CCDC88C: variants seen among roughly 807,000 people sequenced by gnomAD.
CCDC88C encodes the protein coiled-coil and HOOK domain protein 88C.
In CCDC88C, 131 loss-of-function variants were observed where a neutral mutation model predicts 198.8. The observed-to-expected ratio is 0.66, with a 90% confidence interval of 0.57 to 0.76. The LOEUF is 0.76. Ranked by LOEUF, CCDC88C falls within the 30% of genes least tolerant of loss-of-function variation. The pLI is 0.00. For synonymous variants in CCDC88C, 1,166 were observed against 1,114.7 expected (o/e 1.05, Z -0.92); for missense variants, 2,553 against 2,631.6 (o/e 0.97, Z 0.65).
At chr14:91,391,051 T>A (rs907960850) in intron 3 of CCDC88C, among the ~76,000 whole-genome samples, 3 of 152,118 alleles carry the variant, frequency 2.0e-5, no homozygotes, top group African/African-American at 7.2e-5. Context: ...TTAGCAGCAG[T>A]CCTAACACCC....
chr14:91,352,265 G>A lies in CCDC88C; in HGVS notation c.340+7377C>T, dbSNP rs1336633146. ...CATCGCTAGGAAGTTTACTAACAAA[G>A]TCTGGTCTCCAGGCAGATCCGCGGG... On this transcript the variant is annotated intron_variant, in intron 4 of 29. Transcript: ENST00000389857. This position sits in a 1 kb window ranked among gnomAD's most constrained non-coding sequence, Gnocchi z 4.2. Among the ~76,000 whole-genome samples the A allele has an allele frequency of 6.6e-6, 1 of 152,216 alleles. No individual in the cohort carries two copies. Among genetic ancestry groups the A allele is most frequent in the African/African-American group, 2.4e-5 (1 of 41,446 alleles).
Position 91,415,515 on chromosome 14 carries a change from G to A in CCDC88C, c.161+1223C>T, listed in dbSNP as rs144891516. ...CAAGGCAGGCGGATCACCTGAGGTC[G>A]GGAGTTCGAGACCAGCCTAACATGG... On this transcript the variant is annotated intron_variant, in intron 2 of 29. Coordinates refer to ENST00000389857, the MANE Select transcript of CCDC88C (RefSeq NM_001080414.4). Among the ~76,000 whole-genome samples the A allele has an allele frequency of 5.7e-3, 865 of 152,180 alleles. 8 individuals carry two copies. The highest frequency in any genetic ancestry group is 0.014 in the African/African-American group (591 of 41,518).
intron 23 of CCDC88C, among the ~76,000 whole-genome samples, chr14:91,292,390 T>C (rs1002649680): frequency 1.3e-5 from 2 of 152,150 alleles, no homozygotes; most frequent in East Asian, 3.9e-4. Flanking sequence ...TGAGTGCTCC[T>C]ATACTTCTTC....
intron 3 of CCDC88C, among the ~76,000 whole-genome samples, chr14:91,391,641 T>C (rs956144001): frequency 1.3e-5 from 2 of 152,004 alleles, no homozygotes; most frequent in Admixed American, 1.3e-4. Flanking sequence ...TATCCAGGCG[T>C]GGTGGCGTGT....
chr14:91,401,329 ATAT>A (rs1251973909), intron 3 of CCDC88C, among the ~76,000 whole-genome samples: 15 of 50,968 alleles, frequency 2.9e-4, no homozygotes, highest in Non-Finnish European at 3.0e-4. Context: ...TATATTACAT[ATAT>A]TATATATATA....
intron 3 of CCDC88C, among the ~76,000 whole-genome samples, chr14:91,363,363 G>A (rs984094797): frequency 3.3e-5 from 5 of 150,790 alleles, no homozygotes; most frequent in East Asian, 1.9e-4. Context: ...CCCCCACCTC[G>A]GCCTTCCAAA....
At chr14:91,274,336 G>A (rs1254483074) in intron 29 of CCDC88C, among the ~76,000 whole-genome samples, 3 of 152,204 alleles carry the variant, frequency 2.0e-5, no homozygotes, top group Non-Finnish European at 4.4e-5. Context: ...CTAAGCTGCC[G>A]CCCGGGCTGT....
intron 10 of CCDC88C, among the ~76,000 whole-genome samples, chr14:91,337,531 G>A (rs977900930): frequency 1.3e-5 from 2 of 152,176 alleles, no homozygotes; most frequent in African/African-American, 4.8e-5. Flanking sequence ...TGTAGAGACA[G>A]AGTCTTGCTA....
rs1411023767 is a variant in CCDC88C at position 91,281,651 on chromosome 14, C to G, written c.4631-126G>C. 5.2e-6 allele frequency: 4 copies of G among 774,386 alleles called. No homozygotes were observed. The East Asian group carries it at 1.1e-4, about 21-fold the overall frequency. The allele number at this position is 774,386 out of a possible 1,614,324, so 48.0% of individuals were successfully genotyped here. On this transcript the variant is annotated intron_variant, in intron 26 of 29. Coordinates refer to ENST00000389857, the MANE Select transcript of CCDC88C (RefSeq NM_001080414.4). ...CTCTTGGGGATGAGGGAATGGCATG[C>G]AGATGCTGCCTTTGGGACCTGCCTC...
intron 27 of CCDC88C, 47 bp from the exon 28 acceptor site, chr14:91,279,353 A>G: frequency 6.8e-7 from 1 of 1,468,524 alleles, no homozygotes; most frequent in Non-Finnish European, 9.3e-7. Flanking sequence ...ATGACCAGGT[A>G]TATCCCAGAT....
In CCDC88C at chr14:91,416,947, G is replaced by T. The variant is rs117399299; in HGVS notation, c.61-109C>A. On this transcript the variant is annotated intron_variant, in intron 1 of 29. Coordinates refer to ENST00000389857, the MANE Select transcript of CCDC88C (RefSeq NM_001080414.4). The stretch of plus-strand genomic sequence containing the variant: ...GACGGGTCAGTGTGAGCAGAAGGGG[G>T]TCACCCACGCCCACACCACCCTTCA... 3.3e-5 allele frequency: 25 copies of T among 749,976 alleles called. 1 individual carries two copies. The East Asian group carries it at 6.7e-4, about 20-fold the overall frequency. The allele number at this position is 749,976 out of a possible 1,614,324, so 46.5% of individuals were successfully genotyped here. A position where few individuals can be genotyped will look rare whatever the true frequency, so the allele number is the denominator to read the frequency against.
intron 22 of CCDC88C, among the ~76,000 whole-genome samples, chr14:91,295,170 T>A (rs577899787): frequency 2.0e-5 from 3 of 152,244 alleles, no homozygotes; most frequent in Non-Finnish European, 4.4e-5. Context: ...TAAGCAATTC[T>A]AACTTTAACT....
intron 10 of CCDC88C, among the ~76,000 whole-genome samples, chr14:91,337,128 G>C (rs888235685): frequency 2.0e-5 from 3 of 152,208 alleles, no homozygotes; most frequent in African/African-American, 7.2e-5. Flanking sequence ...AGCTGCTACT[G>C]ACATGAGGTT....
intron 10 of CCDC88C, among the ~76,000 whole-genome samples, chr14:91,332,841 G>C (rs1291936265): frequency 6.6e-6 from 1 of 152,150 alleles, no homozygotes; most frequent in Non-Finnish European, 1.5e-5. Flanking sequence ...CCTTGTGTGT[G>C]CCAGGCTCTG....
At chr14:91,328,169 C>T (rs1892655481) in intron 10 of CCDC88C, among the ~76,000 whole-genome samples, 1 of 152,174 alleles carries the variant, frequency 6.6e-6, no homozygotes, top group African/African-American at 2.4e-5. Context: ...CAGAGACTTC[C>T]CGGAATGAAT....
chr14:91,365,181 A>ACCCCTCACCCCTCC (rs1894477873), intron 3 of CCDC88C, among the ~76,000 whole-genome samples: 1 of 148,666 alleles, frequency 6.7e-6, no homozygotes, highest in African/African-American at 2.5e-5. Context: ...CTCACCCCTC[A>ACCCCTCACCCCTCC]CCCCTCACCC....
At position 91,313,448 on chromosome 14, in the gene CCDC88C, C is replaced by T. The variant is rs753355652; in HGVS notation, c.2368G>A (p.Gly790Ser). ...HKTQTLESELGELEAERQALR... is the reference protein window; with the variant it reads ...HKTQTLESELSELEAERQALR... ...GCCTGGCGCTCAGCCTCCAGCTCGC[C>T]CAGCTCACTCTCCAAGGTCTGCGTC... The change falls in exon 15 of 30, where the codon GGC (glycine) becomes AGC (serine). Residue 790 changes from glycine to serine, a missense_variant. Coordinates refer to ENST00000389857, the MANE Select transcript of CCDC88C (RefSeq NM_001080414.4). The surrounding 1 kb of genome is among the most constrained non-coding windows in gnomAD (Gnocchi z 5.2). The T allele has an allele frequency of 6.2e-7, 1 of 1,607,586 alleles. No individual in the cohort carries two copies. Among genetic ancestry groups the T allele is most frequent in the Non-Finnish European group, 8.5e-7 (1 of 1,179,636 alleles).
Position 91,289,110 on chromosome 14 carries a change from C to G in CCDC88C, c.4436G>C (p.Gly1479Ala). 2 of 1,611,826 alleles carry G rather than the reference C, an allele frequency of 1.2e-6. No homozygotes were observed. Among genetic ancestry groups the G allele is most frequent in the Non-Finnish European group, 1.7e-6 (2 of 1,179,642 alleles). The stretch of plus-strand genomic sequence containing the variant: ...GCCAGGACGGCCGCCCCTACCTTTC[C>G]CCACAGACCCGTTGTGGGCGTCGCG... The part of the protein sequence containing the change: ...EERDAHNGSV[G>A]KGPGDLKPKR... The change falls in exon 25 of 30, where the codon GGG becomes GCG. Residue 1479 changes from glycine to alanine, a missense_variant. By Grantham distance (60) the Gly-to-Ala change is moderately conservative. Transcript: ENST00000389857.
intron 12 of CCDC88C, 76 bp from the exon 13 acceptor site, chr14:91,321,380 G>A (rs1183487344): frequency 2.7e-6 from 4 of 1,464,990 alleles, no homozygotes; most frequent in African/African-American, 1.4e-5. Context: ...CTCCGAGATG[G>A]TCATCAGTCC....
Sources: gnomAD v4.1 joint callset for allele counts (sites outside exome capture counted in the v4.1 genomes callset) on GRCh38, gnomAD v4.1.1 for gene constraint, Gnocchi (gnomAD v3.1) non-coding constraint, MANE v1.5 for transcripts, NCBI Gene and HGNC (gene_info 2026-07-23, HGNC 2026-07-21) for gene names.